ARMC2: variants seen among roughly 807,000 people sequenced by gnomAD.
The protein encoded by ARMC2 is armadillo repeat-containing protein 2.
A neutral mutation model predicts 90.3 loss-of-function variants in ARMC2; 67 were observed. The observed-to-expected ratio is 0.74, with a 90% CI of 0.61 to 0.91. The LOEUF (loss-of-function observed/expected upper bound fraction) is 0.91, where lower values mean the gene tolerates loss of function less well. Ranked by LOEUF, ARMC2 falls within the 40% of genes least tolerant of loss-of-function variation. The pLI, the probability that ARMC2 is intolerant of heterozygous loss-of-function variation, is 0.00. For synonymous variants in ARMC2, 393 were observed against 393.0 expected, an observed-to-expected ratio of 1.00 and a Z score of 0.00; for missense variants, 920 against 1,030.9, an observed-to-expected ratio of 0.89 and a Z score of 1.47.
At chr6:108,972,397 A>T (rs915065219) in intron 17 of ARMC2, among the ~76,000 whole-genome samples, 1 of 152,198 alleles carries the variant, frequency 6.6e-6, no homozygotes, top group African/African-American at 2.4e-5. Context: ...TTGTCTTTCC[A>T]AAGTACTACT....
At chr6:108,861,250 G>T (rs534007406) in intron 3 of ARMC2, among the ~76,000 whole-genome samples, 35 of 152,308 alleles carry the variant, frequency 2.3e-4, no homozygotes, top group South Asian at 1.0e-3. Flanking sequence ...CTCAATTTCT[G>T]TTACTCTGTG....
the ARMC2 span, among the ~76,000 whole-genome samples, chr6:108,983,377 G>A: frequency 1.3e-5 from 2 of 151,946 alleles, no homozygotes; most frequent in South Asian, 2.1e-4. Flanking sequence ...AACTTTCCCC[G>A]TGTTTTCATC....
At chr6:108,896,663 G>T (rs1771642470) in intron 6 of ARMC2, among the ~76,000 whole-genome samples, 1 of 152,154 alleles carries the variant, frequency 6.6e-6, no homozygotes, top group South Asian at 2.1e-4. Flanking sequence ...GGCCCGTAAG[G>T]GTTAAATAAA....
chr6:108,989,887 G>A, the ARMC2 span, among the ~76,000 whole-genome samples: 1 of 152,152 alleles, frequency 6.6e-6, no homozygotes, highest in East Asian at 1.9e-4. Context: ...CAAAGGTCTT[G>A]CAAAGCTGGT....
At chr6:108,908,792 G>A (rs561693517) in intron 8 of ARMC2, among the ~76,000 whole-genome samples, 22 of 152,158 alleles carry the variant, frequency 1.4e-4, no homozygotes, top group African/African-American at 5.1e-4. Flanking sequence ...TGTCGTAGCC[G>A]GGCATGGTGG....
chr6:108,898,733 A>G (rs1053117097), intron 6 of ARMC2, among the ~76,000 whole-genome samples: 3 of 152,204 alleles, frequency 2.0e-5, no homozygotes. Context: ...AGATAACTTA[A>G]TACACCTGGG....
At chr6:108,864,536 C>T (rs981103973) in intron 3 of ARMC2, among the ~76,000 whole-genome samples, 1 of 152,158 alleles carries the variant, frequency 6.6e-6, no homozygotes, top group African/African-American at 2.4e-5. Context: ...CATGAGCCAC[C>T]ACGCCTGGCG....
chr6:108,879,871 GTTTTCTAATGTATAAAAT>G (rs745778572), intron 5 of ARMC2: 11 of 462,826 alleles, frequency 2.4e-5, no homozygotes, highest in Non-Finnish European at 4.9e-5. Context: ...CAGGGGCTCA[GTTTTCTAATGTATAAAAT>G]GGAAATAACT....
intron 5 of ARMC2, among the ~76,000 whole-genome samples, chr6:108,885,671 CGCAAA>C (rs1320242164): frequency 2.2e-5 from 3 of 135,740 alleles, no homozygotes; most frequent in Non-Finnish European, 4.7e-5. Context: ...GAGACTCTGT[CGCAAA>C]AAAAAAAAGA....
chr6:108,890,212 A>C (rs1407257741), intron 5 of ARMC2, among the ~76,000 whole-genome samples: 1 of 140,400 alleles, frequency 7.1e-6, no homozygotes, highest in African/African-American at 2.8e-5. Context: ...AAAAAAAAAA[A>C]AAAAAAAAAA....
At chr6:108,920,076 T>C (rs1229364275) in intron 10 of ARMC2, among the ~76,000 whole-genome samples, 2 of 152,240 alleles carry the variant, frequency 1.3e-5, no homozygotes, top group Non-Finnish European at 2.9e-5. Flanking sequence ...TAGAGTACTA[T>C]ATCTGGTTTA....
At chr6:108,999,658 C>A in the ARMC2 span, among the ~76,000 whole-genome samples, 3 of 152,144 alleles carry the variant, frequency 2.0e-5, no homozygotes, top group African/African-American at 4.8e-5. Flanking sequence ...AACAGGAATG[C>A]TGCTTCATTG....
chr6:108,917,079 G>A (rs968914029), intron 10 of ARMC2, among the ~76,000 whole-genome samples: 2 of 152,046 alleles, frequency 1.3e-5, no homozygotes, highest in Non-Finnish European at 2.9e-5. Context: ...CTATTTTTTG[G>A]ATTCACTTGT....
intron 17 of ARMC2, among the ~76,000 whole-genome samples, chr6:108,968,437 T>C (rs951723789): frequency 6.6e-6 from 1 of 152,178 alleles, no homozygotes; most frequent in Non-Finnish European, 1.5e-5. Flanking sequence ...CACAGCTCAC[T>C]CAGGAAGCCA....
chr6:109,044,017 T>C, the ARMC2 span, among the ~76,000 whole-genome samples: 3 of 151,976 alleles, frequency 2.0e-5, no homozygotes, highest in African/African-American at 7.3e-5. Context: ...GGTCAACTTA[T>C]TGTTAACAAA....
At chr6:108,898,247 G>GTCTGTC (rs1344506596) in intron 6 of ARMC2, among the ~76,000 whole-genome samples, 1 of 152,100 alleles carries the variant, frequency 6.6e-6, no homozygotes, top group African/African-American at 2.4e-5. Context: ...TTGCTCCTCT[G>GTCTGTC]TCTGTCTCTG....
In ARMC2 at chr6:108,946,956, A is replaced by C. The variant is rs1025421733; in HGVS notation, c.1597-6077A>C. 3.3e-5 allele frequency among the ~76,000 whole-genome samples: 5 copies of C among 152,298 alleles called. No homozygotes were observed. The East Asian group carries it at 9.7e-4, about 29-fold the overall frequency. On this transcript the variant is annotated intron_variant, in intron 12 of 17. Transcript: ENST00000392644. ...GGGCAGAGAGTAATGTGAGGTAGCA[A>C]AGAAGTGGTTGCGTGGGGCCAGATG...
chr6:108,849,104 G>C (rs1202535053), intron 1 of ARMC2, among the ~76,000 whole-genome samples: 1 of 152,008 alleles, frequency 6.6e-6, no homozygotes, highest in African/African-American at 2.4e-5. Flanking sequence ...CAGGCAACAG[G>C]GCCTCAATAA....
At chr6:108,892,042 C>T (rs1000663351) in intron 5 of ARMC2, among the ~76,000 whole-genome samples, 2 of 152,194 alleles carry the variant, frequency 1.3e-5, no homozygotes, top group Non-Finnish European at 2.9e-5. Flanking sequence ...TAGGCAACCT[C>T]ATCACTGACC....
Sources: gnomAD v4.1 joint callset for allele counts (sites outside exome capture counted in the v4.1 genomes callset) on GRCh38, gnomAD v4.1.1 for gene constraint, MANE v1.5 for transcripts, NCBI Gene and HGNC (gene_info 2026-07-23, HGNC 2026-07-21) for gene names.